SULT1E1: variants seen among roughly 807,000 people sequenced by gnomAD.
SULT1E1 encodes the protein sulfotransferase family 1E member 1, also known as sulfotransferase 1E1.
In SULT1E1, 36 loss-of-function variants were observed where a neutral mutation model predicts 33.6. The ratio of observed to expected loss-of-function variants is 1.07; its 90% CI spans 0.82 to 1.41. The LOEUF is 1.41. SULT1E1 is among the 40% of genes most tolerant of loss of function. The probability of loss-of-function intolerance (pLI) is 0.00; values close to 1 mark genes in which losing one functional copy is unlikely to be tolerated. For missense variants in SULT1E1, 371 were observed against 345.7 expected (o/e 1.07, Z -0.58); for synonymous variants, 121 against 111.7 (o/e 1.08, Z -0.53).
At chr4:69,847,919 T>C (rs1578103495) in intron 5 of SULT1E1, 127 bp from the exon 6 acceptor site, 1 of 493,544 alleles carries the variant, frequency 2.0e-6, no homozygotes, top group East Asian at 3.4e-5. Flanking sequence ...ATAGATCAGC[T>C]GTATATCTTA....
chr4:69,841,033 C>CA (rs1176827382), downstream of SULT1E1, among the ~76,000 whole-genome samples: 4 of 151,858 alleles, frequency 2.6e-5, 1 homozygote, highest in African/African-American at 9.7e-5. Context: ...GCCTGGGAGA[C>CA]AGAGTGAGAC....
chr4:69,855,234 C>T (rs1721210903), intron 3 of SULT1E1, 67 bp downstream of exon 3: 2 of 1,499,052 alleles, frequency 1.3e-6, no homozygotes, highest in Non-Finnish European at 9.0e-7. Flanking sequence ...AATCTCATTG[C>T]TTGTACCATG....
intron 2 of SULT1E1, among the ~76,000 whole-genome samples, chr4:69,856,207 G>T (rs904200749): frequency 1.3e-5 from 2 of 152,178 alleles, no homozygotes; most frequent in African/African-American, 4.8e-5. Context: ...TAGACTATAA[G>T]ACGTAAATCA....
chr4:69,831,751 G>T, the SULT1E1 span, among the ~76,000 whole-genome samples: 4 of 152,080 alleles, frequency 2.6e-5, no homozygotes, highest in African/African-American at 9.7e-5. Context: ...AGCTAGGAGA[G>T]TTCCTTATTC....
chr4:69,847,767 A>G lies in SULT1E1; in HGVS notation c.522T>C (p.His174=), dbSNP rs1488904086. The G allele has an allele frequency of 6.2e-7, 1 of 1,609,660 alleles. No individual in the cohort carries two copies. Among genetic ancestry groups the G allele is most frequent in the East Asian group, 2.2e-5 (1 of 44,678 alleles). The change falls in exon 6 of 8, where the codon CAT becomes CAC. Residue 174 remains histidine, a synonymous_variant. Coordinates refer to ENST00000226444, the MANE Select transcript of SULT1E1 (RefSeq NM_005420.3). ...GQVPYGSWYK[H]VKSWWEKGKS... is the part of the protein sequence containing the mutation. ...TTCCCTTTTCCCACCAAGATTTTACATGTTTATACCAGGAACCATAAGGAA... is the reference window on the plus strand; with the variant it reads ...TTCCCTTTTCCCACCAAGATTTTACGTGTTTATACCAGGAACCATAAGGAA...
chr4:69,828,219 C>G, the SULT1E1 span, among the ~76,000 whole-genome samples: 1 of 152,208 alleles, frequency 6.6e-6, no homozygotes, highest in Non-Finnish European at 1.5e-5. Context: ...AGCTGGCCAC[C>G]CAAGCCAGCA....
chr4:69,822,666 G>C, the SULT1E1 span, among the ~76,000 whole-genome samples: 2 of 152,080 alleles, frequency 1.3e-5, no homozygotes, highest in Non-Finnish European at 2.9e-5. Context: ...CTTTGTTATG[G>C]TGTTTACTGT....
intron 3 of SULT1E1, among the ~76,000 whole-genome samples, chr4:69,854,528 T>C (rs1417002615): frequency 1.3e-5 from 2 of 152,104 alleles, no homozygotes; most frequent in Non-Finnish European, 2.9e-5. Context: ...ACATCTCATG[T>C]GCCCCATTAA....
intron 4 of SULT1E1, among the ~76,000 whole-genome samples, chr4:69,851,606 C>G (rs1411366920): frequency 6.6e-6 from 1 of 152,138 alleles, no homozygotes; most frequent in Non-Finnish European, 1.5e-5. Context: ...CCATTTGACC[C>G]AGCCATCCCA....
intron 4 of SULT1E1, among the ~76,000 whole-genome samples, chr4:69,849,915 G>C (rs1466914667): frequency 6.6e-6 from 1 of 151,826 alleles, no homozygotes; most frequent in East Asian, 1.9e-4. Flanking sequence ...GAAATTTAGT[G>C]ATAATATAGC....
At chr4:69,834,469 A>T in the SULT1E1 span, among the ~76,000 whole-genome samples, 1 of 152,144 alleles carries the variant, frequency 6.6e-6, no homozygotes. Flanking sequence ...GTAAACCATC[A>T]CTTCAATTGC....
chr4:69,856,072 T>TA (rs1721229434), intron 2 of SULT1E1, among the ~76,000 whole-genome samples: 1 of 152,184 alleles, frequency 6.6e-6, no homozygotes, highest in Non-Finnish European at 1.5e-5. Context: ...CCTTAATAAT[T>TA]ACTGGCATAA....
intron 4 of SULT1E1, among the ~76,000 whole-genome samples, chr4:69,853,392 A>T (rs1469036721): frequency 6.6e-6 from 1 of 152,170 alleles, no homozygotes; most frequent in Non-Finnish European, 1.5e-5. Flanking sequence ...TTGACTTTCA[A>T]TATTTCTTAT....
At chr4:69,826,435 G>T in the SULT1E1 span, among the ~76,000 whole-genome samples, 1 of 152,152 alleles carries the variant, frequency 6.6e-6, no homozygotes. Flanking sequence ...TTGTGGTCTA[G>T]GAGGAAAACT....
At chr4:69,853,360 G>T (rs145603388) in intron 4 of SULT1E1, among the ~76,000 whole-genome samples, 1 of 152,218 alleles carries the variant, frequency 6.6e-6, no homozygotes, top group Non-Finnish European at 1.5e-5. Flanking sequence ...CCATTAAAAT[G>T]TCAGAGTCCA....
chr4:69,849,029 A>G (rs1016649165), intron 5 of SULT1E1: 4 of 152,840 alleles, frequency 2.6e-5, no homozygotes, highest in African/African-American at 9.7e-5. Context: ...TGGCAATTTT[A>G]TTGGAAATAA....
chr4:69,831,033 G>A, the SULT1E1 span, among the ~76,000 whole-genome samples: 73 of 152,306 alleles, frequency 4.8e-4, 1 homozygote, highest in Non-Finnish European at 8.4e-4. Flanking sequence ...TAGGCTTTCC[G>A]CCCTAACTTT....
the SULT1E1 span, among the ~76,000 whole-genome samples, chr4:69,833,746 G>C: frequency 6.6e-6 from 1 of 152,118 alleles, no homozygotes; most frequent in Non-Finnish European, 1.5e-5. Context: ...TCTACTTGTA[G>C]GAACTTATAT....
At chr4:69,857,459 T>G (rs746180030) in intron 2 of SULT1E1, 41 bp downstream of exon 2, 73 of 1,572,468 alleles carry the variant, frequency 4.6e-5, no homozygotes, top group Non-Finnish European at 6.3e-5. Flanking sequence ...TACAGTGTGT[T>G]TGTTATTTTT....
Sources: gnomAD v4.1 joint callset for allele counts (sites outside exome capture counted in the v4.1 genomes callset) on GRCh38, gnomAD v4.1.1 for gene constraint, MANE v1.5 for transcripts, NCBI Gene and HGNC (gene_info 2026-07-23, HGNC 2026-07-21) for gene names.